The following EIF4G3 variants were observed in gnomAD, a reference collection of about 807,000 sequenced individuals.
EIF4G3 encodes eukaryotic translation initiation factor 4 gamma 3.
In EIF4G3, 34 loss-of-function variants were observed where a neutral mutation model predicts 186.4. The observed-to-expected ratio is 0.18, with a 90% confidence interval of 0.14 to 0.24. EIF4G3 has a LOEUF of 0.24. Ranked by LOEUF, EIF4G3 falls within the 10% of genes least tolerant of loss-of-function variation. EIF4G3 has a pLI of 1.00. For synonymous variants in EIF4G3, 673 were observed against 679.5 expected (o/e 0.99, Z 0.15); for missense variants, 1,536 against 1,948.5 (o/e 0.79, Z 3.99).
intron 16 of EIF4G3, among the ~76,000 whole-genome samples, chr1:20,898,833 C>T (rs375268583): frequency 2.6e-5 from 4 of 152,238 alleles, no homozygotes; most frequent in Admixed American, 2.6e-4. Context: ...CGGGTTCAAG[C>T]GATTCTCCTG....
chr1:20,957,172 T>C (rs1179691432), intron 12 of EIF4G3, among the ~76,000 whole-genome samples: 1 of 152,010 alleles, frequency 6.6e-6, no homozygotes, highest in African/African-American at 2.4e-5. Context: ...ACACTCAAAA[T>C]AAAAGCTTGA....
intron 26 of EIF4G3, 109 bp from the exon 27 acceptor site, chr1:20,853,786 C>G: frequency 1.3e-6 from 1 of 756,890 alleles, no homozygotes; most frequent in Admixed American, 2.2e-5. Flanking sequence ...TCCTAACAAG[C>G]TTAGGTGACG....
intron 2 of EIF4G3, among the ~76,000 whole-genome samples, chr1:21,105,101 G>T (rs1011394575): frequency 6.6e-6 from 1 of 152,170 alleles, no homozygotes; most frequent in Non-Finnish European, 1.5e-5. Flanking sequence ...TACCTATCAA[G>T]TACTATGCTT....
At chr1:20,952,803 TCG>T (rs2096274571) in intron 12 of EIF4G3, among the ~76,000 whole-genome samples, 1 of 152,052 alleles carries the variant, frequency 6.6e-6, no homozygotes, top group Non-Finnish European at 1.5e-5. Context: ...TGAGCCGAGG[TCG>T]CGCCACTGCA....
chr1:20,838,601 C>T (rs2067460035), intron 30 of EIF4G3, among the ~76,000 whole-genome samples: 1 of 152,190 alleles, frequency 6.6e-6, no homozygotes, highest in Non-Finnish European at 1.5e-5. Flanking sequence ...AAACCAATAA[C>T]CACAGCAACT....
At chr1:21,052,621 CT>C (rs1232575296) in intron 3 of EIF4G3, among the ~76,000 whole-genome samples, 15 of 152,206 alleles carry the variant, frequency 9.9e-5, no homozygotes, top group South Asian at 2.1e-4. Flanking sequence ...CGGTCTCCCC[CT>C]GATGCCGAGC....
At chr1:20,924,570 T>G (rs2154560345) in intron 14 of EIF4G3, among the ~76,000 whole-genome samples, 1 of 152,262 alleles carries the variant, frequency 6.6e-6, no homozygotes, top group African/African-American at 2.4e-5. Context: ...TCTTTTTGTT[T>G]TGTTTTTTGA....
At chr1:20,830,522 T>C (rs901850320) in intron 30 of EIF4G3, among the ~76,000 whole-genome samples, 2 of 152,210 alleles carry the variant, frequency 1.3e-5, no homozygotes, top group African/African-American at 4.8e-5. Context: ...AAATATAATC[T>C]AGCTGGACTC....
At chr1:21,161,503 C>CA (rs201707516) in intron 2 of EIF4G3, 10 of 148,872 alleles carry the variant, frequency 6.7e-5, no homozygotes, top group South Asian at 2.1e-4. Context: ...AATTCCATCT[C>CA]AAAAAAAAAG....
In EIF4G3 at chr1:20,916,412, A is replaced by T. The variant is rs192265627; in HGVS notation, c.1664-11441T>A. On this transcript the variant is annotated intron_variant, in intron 14 of 36. Transcript: ENST00000602326. ...CAGTGAGCCGAGATCGTGCCATTGC[A>T]CTCCAGCCTGAGCAATAGAGAGAGA... Among the ~76,000 whole-genome samples the T allele has an allele frequency of 6.6e-3, 1,009 of 151,910 alleles. 8 individuals carry two copies. The highest frequency in any genetic ancestry group is 0.012 in the Non-Finnish European group (814 of 67,942).
intron 4 of EIF4G3, among the ~76,000 whole-genome samples, chr1:21,005,825 T>C (rs2084915086): frequency 6.6e-6 from 1 of 152,200 alleles, no homozygotes; most frequent in Non-Finnish European, 1.5e-5. Context: ...ATTTTCTATA[T>C]AGGCTTTCTA....
intron 7 of EIF4G3, among the ~76,000 whole-genome samples, chr1:20,992,032 A>G (rs948049245): frequency 6.6e-6 from 1 of 152,188 alleles, no homozygotes; most frequent in Non-Finnish European, 1.5e-5. Context: ...TTGAGGCCCA[A>G]AGATAATTTG....
At chr1:21,127,297 G>GA (rs1274226438) in intron 2 of EIF4G3, among the ~76,000 whole-genome samples, 1 of 152,012 alleles carries the variant, frequency 6.6e-6, no homozygotes, top group Non-Finnish European at 1.5e-5. Context: ...TTTTTTTCAG[G>GA]ACTCAAAATT....
At chr1:20,850,443 A>C (rs1049961298) in intron 28 of EIF4G3, among the ~76,000 whole-genome samples, 1 of 152,222 alleles carries the variant, frequency 6.6e-6, no homozygotes, top group Non-Finnish European at 1.5e-5. Flanking sequence ...CCATTTAGGG[A>C]CTACAGTTAA....
At chr1:21,168,548 G>A (rs936182776) in intron 2 of EIF4G3, among the ~76,000 whole-genome samples, 16 of 151,884 alleles carry the variant, frequency 1.1e-4, no homozygotes, top group African/African-American at 3.9e-4. Flanking sequence ...TCAGCCTCCT[G>A]AGTAGCAGGG....
intron 2 of EIF4G3, among the ~76,000 whole-genome samples, chr1:21,096,589 C>A (rs1362619488): frequency 6.6e-6 from 1 of 152,218 alleles, no homozygotes; most frequent in Non-Finnish European, 1.5e-5. Flanking sequence ...TTGGGTCCTA[C>A]ATCTGAACCA....
At chr1:20,947,690 T>C (rs1171928707) in intron 13 of EIF4G3, among the ~76,000 whole-genome samples, 1 of 152,134 alleles carries the variant, frequency 6.6e-6, no homozygotes, top group Non-Finnish European at 1.5e-5. Flanking sequence ...AAAAGGAAGA[T>C]AACAGTAATT....
At chr1:21,062,630 C>A (rs879257285) in intron 3 of EIF4G3, among the ~76,000 whole-genome samples, 4 of 152,090 alleles carry the variant, frequency 2.6e-5, no homozygotes, top group Admixed American at 2.6e-4. Flanking sequence ...TTACTCGTTG[C>A]CCAAGCTGGA....
intron 14 of EIF4G3, among the ~76,000 whole-genome samples, chr1:20,907,745 A>G (rs1461878652): frequency 6.6e-6 from 1 of 152,070 alleles, no homozygotes; most frequent in Non-Finnish European, 1.5e-5. Flanking sequence ...ATGGCTGCAT[A>G]GTATTCCATG....
Sources: gnomAD v4.1 joint callset for allele counts (sites outside exome capture counted in the v4.1 genomes callset) on GRCh38, gnomAD v4.1.1 for gene constraint, MANE v1.5 for transcripts, NCBI Gene and HGNC (gene_info 2026-07-23, HGNC 2026-07-21) for gene names.